ELMOD3: variants seen among roughly 807,000 people sequenced by gnomAD.
ELMOD3 encodes ELMO domain-containing protein 3.
In ELMOD3, 36 loss-of-function variants were observed where a neutral mutation model predicts 47.4. That is an observed-to-expected ratio of 0.76 (90% CI 0.58 to 1.00). The LOEUF (loss-of-function observed/expected upper bound fraction) is 1.00. ELMOD3 is among the 50% of genes least tolerant of loss of function. ELMOD3 has a pLI of 0.00. For synonymous variants in ELMOD3, 149 were observed against 183.5 expected, an observed-to-expected ratio of 0.81 and a Z score of 1.52; for missense variants, 404 against 463.8, an observed-to-expected ratio of 0.87 and a Z score of 1.18.
intron 11 of ELMOD3, among the ~76,000 whole-genome samples, chr2:85,383,414 ACT>A (rs912541186): frequency 6.6e-6 from 1 of 151,646 alleles, no homozygotes; most frequent in Non-Finnish European, 1.5e-5. Flanking sequence ...ACAGGGCGAG[ACT>A]CTGTTTCAAA....
chr2:85,368,614 A>C, intron 6 of ELMOD3, 72 bp from the exon 7 acceptor site: 1 of 1,503,898 alleles, frequency 6.6e-7, no homozygotes, highest in Non-Finnish European at 9.2e-7. Flanking sequence ...CAGGCAGACA[A>C]GGCTGGGGTC....
intron 6 of ELMOD3, among the ~76,000 whole-genome samples, chr2:85,363,736 C>T (rs867706915): frequency 6.6e-6 from 1 of 152,230 alleles, no homozygotes; most frequent in Admixed American, 6.5e-5. Context: ...TCACATCTCA[C>T]ATGGATGGTG....
intron 4 of ELMOD3, among the ~76,000 whole-genome samples, chr2:85,359,399 A>G (rs900583654): frequency 7.0e-6 from 1 of 142,150 alleles, no homozygotes; most frequent in Non-Finnish European, 1.5e-5. Flanking sequence ...GTAGTTTTAC[A>G]TGACTCTTTT....
intron 4 of ELMOD3, chr2:85,360,823 A>G: frequency 3.7e-6 from 1 of 273,480 alleles, no homozygotes; most frequent in South Asian, 4.4e-5. Flanking sequence ...AAATTCTTTC[A>G]CTGGTAGAAT....
intron 6 of ELMOD3, among the ~76,000 whole-genome samples, chr2:85,366,146 T>C (rs1173619217): frequency 4.7e-5 from 7 of 149,978 alleles, no homozygotes; most frequent in African/African-American, 1.7e-4. Context: ...TTTTTTTGTA[T>C]TTTTAGTAGA....
chr2:85,389,971 C>A, intron 12 of ELMOD3, 144 bp downstream of exon 12: 1 of 1,055,320 alleles, frequency 9.5e-7, no homozygotes, highest in Non-Finnish European at 1.5e-6. Context: ...CTCCCCAGGA[C>A]ATCCCTTCTC....
At chr2:85,363,702 T>C (rs1301875380) in intron 6 of ELMOD3, among the ~76,000 whole-genome samples, 1 of 152,130 alleles carries the variant, frequency 6.6e-6, no homozygotes, top group Non-Finnish European at 1.5e-5. Context: ...CTCACAAACA[T>C]GGTGGAAGGC....
intron 6 of ELMOD3, among the ~76,000 whole-genome samples, chr2:85,364,836 T>A (rs1186652466): frequency 3.7e-5 from 5 of 136,420 alleles, no homozygotes; most frequent in East Asian, 2.0e-4. Flanking sequence ...TTTTTTTTTT[T>A]TTTTTTTTTT....
At chr2:85,356,183 C>T (rs895032226) in intron 3 of ELMOD3, 1 of 152,288 alleles carries the variant, frequency 6.6e-6, no homozygotes, top group Non-Finnish European at 1.5e-5. Flanking sequence ...ATTGCCCAAA[C>T]TGGCTAGCCA....
intron 4 of ELMOD3, 156 bp downstream of exon 4, chr2:85,357,408 C>A: frequency 2.2e-6 from 1 of 453,750 alleles, no homozygotes; most frequent in Non-Finnish European, 3.9e-6. Context: ...ACCTCAGGGT[C>A]AATTGCTTTT....
chr2:85,390,466 TG>T, intron 13 of ELMOD3: 1 of 1,614,050 alleles, frequency 6.2e-7, no homozygotes, highest in Non-Finnish European at 8.5e-7. Context: ...CGCCCTTTTC[TG>T]GTCTTATACT....
intron 11 of ELMOD3, among the ~76,000 whole-genome samples, chr2:85,382,116 CAAAAAAAAAAAA>C (rs59898267): frequency 2.8e-4 from 11 of 39,904 alleles, no homozygotes; most frequent in Admixed American, 4.0e-4. Flanking sequence ...GACTCCTTCT[CAAAAAAAAAAAA>C]AAAAAAAAAA....
chr2:85,375,553 G>T (rs1685112951), intron 10 of ELMOD3, among the ~76,000 whole-genome samples: 1 of 151,980 alleles, frequency 6.6e-6, no homozygotes, highest in Admixed American at 6.6e-5. Flanking sequence ...CTTTATATCT[G>T]CTGTTTCTTT....
chr2:85,361,566 T>C (rs1408398862), intron 4 of ELMOD3, among the ~76,000 whole-genome samples: 2 of 152,098 alleles, frequency 1.3e-5, no homozygotes, highest in Non-Finnish European at 2.9e-5. Context: ...TCCTCACTTA[T>C]AAGTGGGAGC....
chr2:85,378,346 T>C (rs1685314031), intron 11 of ELMOD3, among the ~76,000 whole-genome samples: 1 of 152,180 alleles, frequency 6.6e-6, no homozygotes, highest in African/African-American at 2.4e-5. Context: ...TTTGCCAAGG[T>C]TGAGAACACA....
intron 6 of ELMOD3, among the ~76,000 whole-genome samples, chr2:85,363,803 T>A (rs1483791568): frequency 6.6e-6 from 1 of 152,206 alleles, no homozygotes; most frequent in African/African-American, 2.4e-5. Context: ...CATCAGATCT[T>A]GTGAGACTTA....
chr2:85,371,093 T>C lies in ELMOD3; in HGVS notation c.368T>C (p.Ile123Thr), dbSNP rs545039229. The change falls in exon 9 of 14, where the codon ATC (isoleucine) becomes ACC (threonine). Residue 123 changes from isoleucine to threonine, a missense_variant. Transcript: ENST00000409013. ...TVDLSPFKKR[I>T]QPTIRRTGLA... ...CTGCAACTTCTTCCCCAGAAAAGAATCCAGCCAACTATTCGAAGGACTGGG... is the reference window on the plus strand; with the variant it reads ...CTGCAACTTCTTCCCCAGAAAAGAACCCAGCCAACTATTCGAAGGACTGGG... 1.5e-5 allele frequency: 25 copies of C among 1,613,916 alleles called. No individual in the cohort carries two copies. In the African/African-American group the frequency reaches 3.2e-4, roughly 21 times the overall value.
At chr2:85,387,579 T>C (rs1391207737) in intron 11 of ELMOD3, among the ~76,000 whole-genome samples, 2 of 150,586 alleles carry the variant, frequency 1.3e-5, no homozygotes, top group Admixed American at 6.7e-5. Flanking sequence ...GGAAAATCCC[T>C]TGAACCCAGG....
chr2:85,367,511 T>G (rs1663255719), intron 6 of ELMOD3: 1 of 152,230 alleles, frequency 6.6e-6, no homozygotes, highest in African/African-American at 2.4e-5. Context: ...TCTACAAATG[T>G]TCCTCGAGTT....
Sources: gnomAD v4.1 joint callset for allele counts (sites outside exome capture counted in the v4.1 genomes callset) on GRCh38, gnomAD v4.1.1 for gene constraint, MANE v1.5 for transcripts, NCBI Gene and HGNC (gene_info 2026-07-23, HGNC 2026-07-21) for gene names.